The following SLC35D4 variants were observed in gnomAD, a reference collection of about 807,000 sequenced individuals.
SLC35D4 encodes the protein solute carrier family 35 member D4, also known as UDP-N-acetylglucosamine transporter SLC35D4.
At chr18:23,429,067 C>T in the SLC35D4 span, among the ~76,000 whole-genome samples, 1 of 152,234 alleles carries the variant, frequency 6.6e-6, no homozygotes, top group African/African-American at 2.4e-5. Context: ...ATATATACAC[C>T]AGATTTTCTT....
chr18:23,355,566 C>T, the SLC35D4 span, among the ~76,000 whole-genome samples: 1 of 149,012 alleles, frequency 6.7e-6, no homozygotes, highest in East Asian at 2.0e-4. Flanking sequence ...TTCCAAGGCT[C>T]AAATGCAGAA....
the SLC35D4 span, among the ~76,000 whole-genome samples, chr18:23,342,998 A>G: frequency 6.6e-6 from 1 of 151,774 alleles, no homozygotes; most frequent in Non-Finnish European, 1.5e-5. Context: ...TCTTGGCTCA[A>G]TGCAACCTCC....
At chr18:23,384,011 G>GGC in the SLC35D4 span, among the ~76,000 whole-genome samples, 35 of 136,546 alleles carry the variant, frequency 2.6e-4, 3 homozygotes, top group African/African-American at 9.3e-4. Context: ...TGGGGGGGGG[G>GGC]GGTGTGATGT....
chr18:23,336,321 G>A, the SLC35D4 span, among the ~76,000 whole-genome samples: 5 of 152,100 alleles, frequency 3.3e-5, no homozygotes, highest in Admixed American at 2.6e-4. Flanking sequence ...TGTTCCTGTC[G>A]CCTCATCAGT....
the SLC35D4 span, among the ~76,000 whole-genome samples, chr18:23,421,121 G>A: frequency 6.6e-6 from 1 of 152,106 alleles, no homozygotes; most frequent in South Asian, 2.1e-4. Flanking sequence ...GTGTACGCCT[G>A]TAATCCCAGC....
the SLC35D4 span, among the ~76,000 whole-genome samples, chr18:23,274,521 G>A: frequency 3.3e-5 from 5 of 152,160 alleles, no homozygotes; most frequent in African/African-American, 7.2e-5. Flanking sequence ...TGAGTTTCCC[G>A]CCAGCCTAAA....
the SLC35D4 span, among the ~76,000 whole-genome samples, chr18:23,391,681 T>C: frequency 6.6e-6 from 1 of 151,984 alleles, no homozygotes; most frequent in East Asian, 1.9e-4. Flanking sequence ...AGAGATGAGA[T>C]CTGGCTATGT....
At chr18:23,429,567 G>T in the SLC35D4 span, among the ~76,000 whole-genome samples, 1 of 152,036 alleles carries the variant, frequency 6.6e-6, no homozygotes, top group Admixed American at 6.6e-5. Context: ...GTAGACATGG[G>T]GTTTCGCCAT....
At chr18:23,249,204 T>C in the SLC35D4 span, among the ~76,000 whole-genome samples, 5 of 152,210 alleles carry the variant, frequency 3.3e-5, no homozygotes, top group African/African-American at 1.2e-4. Context: ...GGAGCCAGAA[T>C]TGTTTTTGGA....
chr18:23,413,881 T>G, the SLC35D4 span, among the ~76,000 whole-genome samples: 1 of 151,332 alleles, frequency 6.6e-6, no homozygotes, highest in African/African-American at 2.4e-5. Context: ...GAGGCGGAGC[T>G]TGCAGTGAGC....
At chr18:23,335,381 T>A in the SLC35D4 span, among the ~76,000 whole-genome samples, 1 of 152,240 alleles carries the variant, frequency 6.6e-6, no homozygotes, top group African/African-American at 2.4e-5. Context: ...GCTTTGACTA[T>A]GGCAGTCACT....
At chr18:23,345,960 A>G in the SLC35D4 span, among the ~76,000 whole-genome samples, 1 of 152,122 alleles carries the variant, frequency 6.6e-6, no homozygotes, top group African/African-American at 2.4e-5. Context: ...AATAAACATG[A>G]CTTTTCATTA....
the SLC35D4 span, among the ~76,000 whole-genome samples, chr18:23,273,264 A>G: frequency 6.6e-6 from 1 of 152,250 alleles, no homozygotes; most frequent in South Asian, 2.1e-4. Context: ...GAGCAGAATC[A>G]GAGGGATAAA....
At chr18:23,357,189 G>T in the SLC35D4 span, among the ~76,000 whole-genome samples, 1 of 152,016 alleles carries the variant, frequency 6.6e-6, no homozygotes, top group East Asian at 1.9e-4. Flanking sequence ...TGAATGTACT[G>T]CCCTGACATT....
the SLC35D4 span, among the ~76,000 whole-genome samples, chr18:23,268,959 C>T: frequency 6.6e-6 from 1 of 152,206 alleles, no homozygotes; most frequent in African/African-American, 2.4e-5. Flanking sequence ...TGGAAGTTGG[C>T]TCACAAGAGC....
the SLC35D4 span, among the ~76,000 whole-genome samples, chr18:23,291,175 A>G: frequency 0.75 from 113,836 of 152,124 alleles, 42,752 homozygotes; most frequent in Middle Eastern, 0.87. Context: ...CTTCCTCCGA[A>G]GACAGCGTCT....
At chr18:23,274,977 G>A in the SLC35D4 span, among the ~76,000 whole-genome samples, 1 of 151,922 alleles carries the variant, frequency 6.6e-6, no homozygotes, top group African/African-American at 2.4e-5. Flanking sequence ...GTGCGCTTGT[G>A]TCTGAGTGCA....
chr18:23,330,192 A>T, the SLC35D4 span, among the ~76,000 whole-genome samples: 1 of 152,190 alleles, frequency 6.6e-6, no homozygotes, highest in African/African-American at 2.4e-5. Flanking sequence ...AACCTAAAGT[A>T]TAAAAAAAAA....
At chr18:23,248,781 C>T in the SLC35D4 span, among the ~76,000 whole-genome samples, 4 of 152,150 alleles carry the variant, frequency 2.6e-5, no homozygotes, top group Admixed American at 2.0e-4. Flanking sequence ...TCTGAGATCA[C>T]ACCATTGCAC....
Sources: gnomAD v4.1 joint callset for allele counts (sites outside exome capture counted in the v4.1 genomes callset) on GRCh38, gnomAD v4.1.1 for gene constraint, MANE v1.5 for transcripts, NCBI Gene and HGNC (gene_info 2026-07-23, HGNC 2026-07-21) for gene names.